The following SLC6A16 variants were observed in gnomAD, a reference collection of about 807,000 sequenced individuals.
SLC6A16 encodes orphan sodium- and chloride-dependent neurotransmitter transporter NTT5.
A neutral mutation model predicts 65.4 loss-of-function variants in SLC6A16; 54 were observed. The ratio of observed to expected loss-of-function variants is 0.83; its 90% confidence interval spans 0.66 to 1.04. SLC6A16 has a LOEUF of 1.04. Ranked by LOEUF, SLC6A16 falls within the 50% of genes least tolerant of loss-of-function variation. The pLI is 0.00. For synonymous variants in SLC6A16, 330 were observed against 346.5 expected (o/e 0.95, Z 0.53); for missense variants, 816 against 914.0 (o/e 0.89, Z 1.38).
chr19:49,330,067 A>G (rs1472331419), upstream of SLC6A16, among the ~76,000 whole-genome samples: 3 of 150,902 alleles, frequency 2.0e-5, no homozygotes, highest in Non-Finnish European at 3.0e-5. Flanking sequence ...GCAATGAGTC[A>G]TGATCGTGCC....
In SLC6A16 at chr19:49,313,072, C is replaced by CAAAAAAAAA. The variant is rs5828385; in HGVS notation, c.-64-1670_-64-1662dup. ...CACTCCAGCCTGGGCAACCCTGTCT[C>CAAAAAAAAA]AAAAAAAAAAAAAAAAAAAAAAAGA... On this transcript the variant is annotated intron_variant, in intron 1 of 11. Transcript: ENST00000335875. Among the ~76,000 whole-genome samples the CAAAAAAAAA allele has an allele frequency of 4.6e-3, 439 of 95,746 alleles. 37 individuals carry two copies. Among genetic ancestry groups the CAAAAAAAAA allele is most frequent in the African/African-American group, 0.021 (404 of 18,950 alleles). 62.8% of individuals were successfully genotyped at this position (95,746 alleles called of 152,430 possible). A position where few individuals can be genotyped will look rare whatever the true frequency, so the allele number is the denominator to read the frequency against.
intron 7 of SLC6A16, among the ~76,000 whole-genome samples, chr19:49,294,926 T>C (rs1047952803): frequency 2.0e-5 from 3 of 152,136 alleles, no homozygotes; most frequent in African/African-American, 7.2e-5. Context: ...ACACAGACTA[T>C]GATCATAATG....
the SLC6A16 span, chr19:49,337,521 T>A: frequency 1.3e-6 from 1 of 770,744 alleles, no homozygotes. Flanking sequence ...ACTTGGGAGG[T>A]CGAGGTGGGA....
intron 7 of SLC6A16, among the ~76,000 whole-genome samples, chr19:49,295,498 A>G (rs1970168894): frequency 2.0e-5 from 3 of 152,244 alleles, no homozygotes; most frequent in Admixed American, 2.0e-4. Context: ...AAAATAAAAT[A>G]CTATATGCTA....
chr19:49,337,006 C>G, the SLC6A16 span: 1 of 1,613,396 alleles, frequency 6.2e-7, no homozygotes, highest in Non-Finnish European at 8.5e-7. Context: ...TGGGGGCCCT[C>G]AAGGAGCTCC....
intron 7 of SLC6A16, among the ~76,000 whole-genome samples, chr19:49,303,978 C>T (rs1483507239): frequency 6.6e-6 from 1 of 152,176 alleles, no homozygotes; most frequent in Non-Finnish European, 1.5e-5. Flanking sequence ...ATACCCCCTT[C>T]AAATGTCCCT....
chr19:49,335,968 AAAC>A, the SLC6A16 span: 3 of 629,060 alleles, frequency 4.8e-6, no homozygotes, highest in East Asian at 2.7e-5. This position sits in a 1 kb window ranked among gnomAD's most constrained non-coding sequence, Gnocchi z 4.6. Context: ...TTGTGCATAC[AAAC>A]AACAATGATC....
chr19:49,306,812 G>A (rs764689992), intron 7 of SLC6A16, among the ~76,000 whole-genome samples: 1 of 151,878 alleles, frequency 6.6e-6, no homozygotes, highest in Non-Finnish European at 1.5e-5. Flanking sequence ...AAAGTGCTGG[G>A]ATTATAGGCA....
At chr19:49,334,058 C>A in the SLC6A16 span, among the ~76,000 whole-genome samples, 1 of 152,234 alleles carries the variant, frequency 6.6e-6, no homozygotes, top group South Asian at 2.1e-4. Flanking sequence ...AGGGACCTTC[C>A]CACCTCGAGC....
At chr19:49,310,883 C>A in intron 2 of SLC6A16, 50 bp downstream of exon 2, 1 of 1,337,422 alleles carries the variant, frequency 7.5e-7, no homozygotes, top group Non-Finnish European at 1.1e-6. Context: ...GGACAGGACT[C>A]TGTCCTGATT....
In SLC6A16 at chr19:49,309,202, G is replaced by A. The variant is rs941952878; in HGVS notation, c.988-85C>T. The A allele has an allele frequency of 7.7e-5, 122 of 1,592,286 alleles. No individual in the cohort carries two copies. In the African/African-American group the frequency reaches 1.6e-3, roughly 20 times the overall value. On this transcript the variant is annotated intron_variant, in intron 6 of 11. Transcript: ENST00000335875. ...ATAGAAATGTTGCAGGGAGGAGAGA[G>A]GGAGATACAAAAGTAAAGAATGGGG...
the SLC6A16 span, chr19:49,335,599 T>C: frequency 1.2e-6 from 2 of 1,613,436 alleles, no homozygotes; most frequent in Admixed American, 3.3e-5. The surrounding 1 kb of genome is among the most constrained non-coding windows in gnomAD (Gnocchi z 4.6). Flanking sequence ...GTTTTCAACC[T>C]CTTCTTCTTC....
chr19:49,308,707 T>C (rs1053442698), intron 7 of SLC6A16, 169 bp downstream of exon 7: 6 of 731,668 alleles, frequency 8.2e-6, no homozygotes, highest in South Asian at 7.0e-5. Context: ...TAATATATGA[T>C]AGGAGATTCT....
chr19:49,296,545 T>G (rs866300752), intron 7 of SLC6A16, among the ~76,000 whole-genome samples: 1 of 152,208 alleles, frequency 6.6e-6, no homozygotes, highest in Non-Finnish European at 1.5e-5. Context: ...AAGAAAAGGA[T>G]AGTCTTATTA....
intron 1 of SLC6A16, among the ~76,000 whole-genome samples, chr19:49,311,778 G>A (rs1222504438): frequency 1.3e-5 from 2 of 150,962 alleles, no homozygotes; most frequent in Non-Finnish European, 3.0e-5. Flanking sequence ...GAACCCAGGA[G>A]GCGTAGGTTG....
At chr19:49,335,688 CCCGTATCCGCATCT>C in the SLC6A16 span, 1 of 1,613,168 alleles carries the variant, frequency 6.2e-7, no homozygotes, top group African/African-American at 1.3e-5. The surrounding 1 kb of genome is among the most constrained non-coding windows in gnomAD (Gnocchi z 4.6). Flanking sequence ...GTGGCCCACC[CCCGTATCCGCATCT>C]CCTCTCCCCA....
Position 49,310,463 on chromosome 19 carries a change from G to A in SLC6A16, c.463C>T (p.Pro155Ser), listed in dbSNP as rs762123205. 6.2e-7 allele frequency: 1 copy of A among 1,614,122 alleles called. No individual in the cohort carries two copies. Among genetic ancestry groups the A allele is most frequent in the Non-Finnish European group, 8.5e-7 (1 of 1,180,026 alleles). ...GCTGCCATCTCCAGGAAGAGAAGAGGAACCCCGACCAGGAACAGCATGAAG... is the reference window on the plus strand; with the variant it reads ...GCTGCCATCTCCAGGAAGAGAAGAGAAACCCCGACCAGGAACAGCATGAAG... ...YIFMLFLVGV[P>S]LLFLEMAAGQ... The change falls in exon 3 of 12, where the codon CCT becomes TCT. Residue 155 changes from proline (P) to serine (S), a missense_variant. Physicochemically the swap from Pro to Ser is moderately conservative, Grantham distance 74. Transcript: ENST00000335875.
At position 49,290,261 on chromosome 19, in the gene SLC6A16, C is replaced by T. The variant is rs369578264; in HGVS notation, c.2073G>A (p.Lys691=). 2.5e-6 allele frequency: 4 copies of T among 1,614,096 alleles called. No homozygotes were observed. Among genetic ancestry groups the T allele is most frequent in the East Asian group, 2.2e-5 (1 of 44,878 alleles). ...CRIHRIPFRP[K]SGDGPMTAST... ...AGGCTGTCATAGGCCCGTCTCCGCT[C>T]TTGGGCCTGAAGGGAATCCTATGTA... Residue 691 remains lysine (K), a synonymous_variant, in exon 12 of 12, where the codon AAG becomes AAA. Coordinates refer to ENST00000335875, the MANE Select transcript of SLC6A16 (RefSeq NM_014037.3).
intron 7 of SLC6A16, among the ~76,000 whole-genome samples, chr19:49,300,516 A>G (rs1050754329): frequency 3.9e-5 from 6 of 152,212 alleles, no homozygotes; most frequent in African/African-American, 1.4e-4. Flanking sequence ...CACTGAAAGA[A>G]CAGAAAACAG....
Sources: allele counts gnomAD v4.1 joint callset (sites outside exome capture counted in the v4.1 genomes callset), GRCh38; gene constraint gnomAD v4.1.1; non-coding constraint Gnocchi (gnomAD v3.1); transcripts MANE v1.5; gene names NCBI Gene and HGNC (gene_info 2026-07-23, HGNC 2026-07-21).